The following DLGAP1 variants were observed in gnomAD, a reference collection of about 807,000 sequenced individuals.
DLGAP1 encodes DLG associated protein 1, also known as disks large-associated protein 1.
Under a neutral mutation model 90.8 loss-of-function variants are expected in DLGAP1, and 11 were observed. The ratio of observed to expected loss-of-function variants is 0.12; its 90% CI spans 0.08 to 0.20. DLGAP1 has a LOEUF of 0.20. Ranked by LOEUF, DLGAP1 falls within the 10% of genes least tolerant of loss-of-function variation. The pLI, the probability that DLGAP1 is intolerant of heterozygous loss-of-function variation, is 1.00. For missense variants in DLGAP1, 1,050 were observed against 1,333.8 expected, an observed-to-expected ratio of 0.79 and a Z score of 3.31; for synonymous variants, 558 against 540.7, an observed-to-expected ratio of 1.03 and a Z score of -0.44.
chr18:3,974,805 A>T (rs1314318630), intron 3 of DLGAP1, among the ~76,000 whole-genome samples: 3 of 152,238 alleles, frequency 2.0e-5, no homozygotes, highest in Non-Finnish European at 4.4e-5. Flanking sequence ...TAAAAAATAT[A>T]AAAGCAATAC....
Position 3,937,985 on chromosome 18 carries a change from G to A in DLGAP1, c.-72-57845C>T, listed in dbSNP as rs575626387. Among the ~76,000 whole-genome samples the A allele has an allele frequency of 5.9e-5, 9 of 152,296 alleles. No individual in the cohort carries two copies. The South Asian group carries it at 1.9e-3, about 32-fold the overall frequency. On this transcript the variant is annotated intron_variant, in intron 3 of 12. Transcript: ENST00000315677. ...TTACAGGGCTGTCATTAGGATAAAA[G>A]TACTCAGCAAGTATTAGTTATTATG... is the stretch of plus-strand genomic sequence containing the variant.
chr18:4,083,384 AG>A (rs1213060596), intron 2 of DLGAP1, among the ~76,000 whole-genome samples: 1 of 152,226 alleles, frequency 6.6e-6, no homozygotes, highest in African/African-American at 2.4e-5. Flanking sequence ...TTATTATAAA[AG>A]TAATGAATGT....
chr18:3,574,819 A>G (rs986835960), intron 8 of DLGAP1, among the ~76,000 whole-genome samples: 16 of 55,140 alleles, frequency 2.9e-4, no homozygotes, highest in African/African-American at 8.4e-4. Context: ...ATTTTATTTT[A>G]TTTTATTTAT....
chr18:4,432,178 A>T (rs2083297214), intron 1 of DLGAP1, among the ~76,000 whole-genome samples: 1 of 152,214 alleles, frequency 6.6e-6, no homozygotes, highest in Non-Finnish European at 1.5e-5. Context: ...GGTGAGGAAA[A>T]GCTTAAACTT....
At chr18:3,874,267 T>C in intron 4 of DLGAP1, 3 of 1,549,742 alleles carry the variant, frequency 1.9e-6, no homozygotes, top group African/African-American at 1.4e-5. Flanking sequence ...AGTGCTTTCC[T>C]TCTCGGTCTG....
intron 7 of DLGAP1, among the ~76,000 whole-genome samples, chr18:3,639,676 C>CAGA (rs373171460): frequency 6.6e-6 from 1 of 151,398 alleles, no homozygotes; most frequent in Non-Finnish European, 1.5e-5. Context: ...ATCTCTGATG[C>CAGA]AGATGATGAT....
intron 3 of DLGAP1, among the ~76,000 whole-genome samples, chr18:3,929,470 G>T (rs2072468049): frequency 6.6e-6 from 1 of 152,172 alleles, no homozygotes; most frequent in South Asian, 2.1e-4. Context: ...AGCTATCTTT[G>T]TGATTTTCTA....
At chr18:4,278,339 T>A (rs530121527) in intron 1 of DLGAP1, among the ~76,000 whole-genome samples, 2 of 152,192 alleles carry the variant, frequency 1.3e-5, no homozygotes, top group Non-Finnish European at 2.9e-5. Context: ...TGTTGTTACA[T>A]GGATACATTG....
intron 3 of DLGAP1, among the ~76,000 whole-genome samples, chr18:3,965,714 G>A (rs1035290428): frequency 9.2e-5 from 14 of 151,990 alleles, no homozygotes; most frequent in African/African-American, 2.4e-4. Flanking sequence ...TTGGGAGGCC[G>A]AGGTGGGCTG....
chr18:3,729,191 C>T lies in DLGAP1; in HGVS notation c.1535G>A (p.Arg512Lys), dbSNP rs2062315989. Residue 512 changes from arginine (R) to lysine (K), a missense_variant, in exon 7 of 13, where the codon AGG becomes AAG. Arg to Lys is a conservative substitution (Grantham distance 26). Around this residue, in one of 2 missense-constraint regions of DLGAP1, gnomAD observed 565 missense variants for 879.7 expected, o/e 0.64. Transcript: ENST00000315677. The surrounding 1 kb of genome is among the most constrained non-coding windows in gnomAD (Gnocchi z 6.2). Reference sequence around the variant, plus strand: ...GGTGGTGCGCGGCGGCGAGGACGACCTCAGGGACACGCACTCGTCGTCCTG... The same window carrying T: ...GGTGGTGCGCGGCGGCGAGGACGACTTCAGGGACACGCACTCGTCGTCCTG... ...CSQDDECVSL[R>K]SSSPPRTTTT... 1 of 1,613,804 alleles carries T rather than the reference C, an allele frequency of 6.2e-7. No homozygotes were observed. The highest frequency in any genetic ancestry group is 8.5e-7 in the Non-Finnish European group (1 of 1,179,914).
intron 1 of DLGAP1, among the ~76,000 whole-genome samples, chr18:4,207,275 G>A (rs1322730653): frequency 6.6e-6 from 1 of 152,138 alleles, no homozygotes; most frequent in Non-Finnish European, 1.5e-5. Context: ...GCAGGGAGAA[G>A]AAGAATGACA....
rs1465849997 is a variant in DLGAP1, at chr18:3,775,472, G to C, written c.1173-32960C>G. ...TCTTCCTACTGCTCCAGCAATGTAG[G>C]ACATGCCTGCTTCCCTTTCCCCTTC... On this transcript the variant is annotated intron_variant, in intron 5 of 12. Coordinates refer to ENST00000315677, the MANE Select transcript of DLGAP1 (RefSeq NM_004746.4). The surrounding 1 kb of genome is among the most constrained non-coding windows in gnomAD (Gnocchi z 4.9). Among the ~76,000 whole-genome samples, 1 of 152,092 alleles carries C rather than the reference G, an allele frequency of 6.6e-6. No homozygotes were observed. Among genetic ancestry groups the C allele is most frequent in the Admixed American group, 6.6e-5 (1 of 15,262 alleles).
At chr18:4,282,071 A>G (rs1454889231) in intron 1 of DLGAP1, among the ~76,000 whole-genome samples, 1 of 152,226 alleles carries the variant, frequency 6.6e-6, no homozygotes, top group Non-Finnish European at 1.5e-5. Context: ...TTTCATTAAA[A>G]GAGTCAAAAT....
At chr18:3,741,220 C>A (rs1290523429) in intron 6 of DLGAP1, among the ~76,000 whole-genome samples, 13 of 113,390 alleles carry the variant, frequency 1.1e-4, no homozygotes, top group African/African-American at 4.6e-4. Context: ...ACCACCACCA[C>A]ATCACCATCA....
At chr18:3,995,811 T>C (rs1190040666) in intron 3 of DLGAP1, 1 of 152,082 alleles carries the variant, frequency 6.6e-6, no homozygotes, top group African/African-American at 2.4e-5. Context: ...TATCTTTCTG[T>C]AAATTATTTA....
intron 5 of DLGAP1, among the ~76,000 whole-genome samples, chr18:3,804,009 T>C (rs1434220292): frequency 2.8e-5 from 4 of 141,014 alleles, no homozygotes; most frequent in African/African-American, 1.0e-4. Context: ...TATATAATTT[T>C]TTTTGAGACA....
chr18:3,805,615 G>A (rs1287244080), intron 5 of DLGAP1, among the ~76,000 whole-genome samples: 1 of 152,228 alleles, frequency 6.6e-6, no homozygotes, highest in Non-Finnish European at 1.5e-5. Flanking sequence ...ACTGTGTTAT[G>A]TGGGTGCTTT....
chr18:3,581,965 G>A lies in DLGAP1; in HGVS notation c.1875C>T (p.Val625=). The change falls in exon 8 of 13, where the codon GTC becomes GTT. Residue 625 remains valine, a synonymous_variant. Coordinates refer to ENST00000315677, the MANE Select transcript of DLGAP1 (RefSeq NM_004746.4). ...CGGTGGCTATGGTAGTCGTGGTGGT[G>A]ACGGTGGCAGTGTTATTGCCCATGT... The part of the protein sequence containing the change: ...SQHMGNNTAT[V]TTTTTIATVT... The A allele has an allele frequency of 6.2e-7, 1 of 1,614,070 alleles. No homozygotes were observed. Among genetic ancestry groups the A allele is most frequent in the South Asian group, 1.1e-5 (1 of 91,078 alleles).
Position 3,580,939 on chromosome 18 carries a change from C to T in DLGAP1, c.1965+936G>A, listed in dbSNP as rs548836659. On this transcript the variant is annotated intron_variant, in intron 8 of 12. Transcript: ENST00000315677. ...CCCCCAGCCCCAGGAAATGTGGGGT[C>T]GGCCGGGACCCTCACAGCTCTGAAT... Among the ~76,000 whole-genome samples the T allele has an allele frequency of 8.5e-5, 13 of 152,272 alleles. No individual in the cohort carries two copies. In the South Asian group the frequency reaches 2.5e-3, roughly 29 times the overall value.
Sources: gnomAD v4.1 joint callset for allele counts (sites outside exome capture counted in the v4.1 genomes callset) on GRCh38, gnomAD v4.1.1 for gene constraint, gnomAD v4.1.1 regional missense constraint, Gnocchi (gnomAD v3.1) non-coding constraint, MANE v1.5 for transcripts, NCBI Gene and HGNC (gene_info 2026-07-23, HGNC 2026-07-21) for gene names.